The following ST8SIA5 variants were observed in gnomAD, a reference collection of about 807,000 sequenced individuals.
The protein encoded by ST8SIA5 is ST8 alpha-N-acetyl-neuraminide alpha-2,8-sialyltransferase 5.
In ST8SIA5, 24 loss-of-function variants were observed where a neutral mutation model predicts 40.2. The ratio of observed to expected loss-of-function variants is 0.60; its 90% CI spans 0.43 to 0.84. ST8SIA5 has a LOEUF of 0.84. Among genes scored for constraint, ST8SIA5 ranks in the 40% least tolerant of loss-of-function variants. ST8SIA5 has a pLI of 0.00. For missense variants in ST8SIA5, 465 were observed against 498.5 expected (o/e 0.93, Z 0.64); for synonymous variants, 198 against 201.8 (o/e 0.98, Z 0.16).
intron 3 of ST8SIA5, chr18:46,691,905 A>G: frequency 2.0e-6 from 1 of 489,048 alleles, no homozygotes; most frequent in South Asian, 2.1e-5. Context: ...TCAGCTGTGT[A>G]CTGGAGATGG....
At chr18:46,741,641 A>G (rs2040087200) in intron 1 of ST8SIA5, among the ~76,000 whole-genome samples, 1 of 152,196 alleles carries the variant, frequency 6.6e-6, no homozygotes, top group African/African-American at 2.4e-5. Context: ...AGCAAACAAA[A>G]TCTCACATCA....
At chr18:46,723,953 T>G (rs1047308234) in intron 1 of ST8SIA5, among the ~76,000 whole-genome samples, 4 of 152,090 alleles carry the variant, frequency 2.6e-5, no homozygotes, top group African/African-American at 7.2e-5. Flanking sequence ...AAGCAGAATT[T>G]TTTTTCAATA....
At position 46,725,775 on chromosome 18, in the gene ST8SIA5, G is replaced by C. The variant is rs183258275; in HGVS notation, c.132-21111C>G. The stretch of plus-strand genomic sequence containing the variant: ...AGGATAGGATCTATTATTAGTCAAA[G>C]AAACCCAATGAGGAAGGCCTGTGGA... On this transcript the variant is annotated intron_variant, in intron 1 of 6. Coordinates refer to ENST00000315087, the MANE Select transcript of ST8SIA5 (RefSeq NM_013305.6). Among the ~76,000 whole-genome samples the C allele has an allele frequency of 1.4e-3, 210 of 150,866 alleles. 2 individuals are homozygous for C. The highest frequency in any genetic ancestry group is 4.9e-3 in the African/African-American group (203 of 41,064).
chr18:46,747,585 G>A (rs2040153031), intron 1 of ST8SIA5, among the ~76,000 whole-genome samples: 1 of 152,194 alleles, frequency 6.6e-6, no homozygotes, highest in Non-Finnish European at 1.5e-5. Context: ...ATGCTGGAGA[G>A]GATGTAGAGA....
rs2039292501 is a variant in ST8SIA5 at position 46,668,968 on chromosome 18, C to G, written c.*11074G>C. The G allele has an allele frequency of 6.6e-6, 1 of 152,398 alleles. No homozygotes were observed. Among genetic ancestry groups the G allele is most frequent in the South Asian group, 2.1e-4 (1 of 4,838 alleles). 9.4% of individuals were successfully genotyped at this position (152,398 alleles called of 1,614,324 possible). On this transcript the variant is annotated 3_prime_UTR_variant, in exon 7 of 7. Coordinates refer to ENST00000315087, the MANE Select transcript of ST8SIA5 (RefSeq NM_013305.6). ...AGCAGCAGGGGGCCAGCACCATGGT[C>G]CCTGACCCCAGCTTGCCCCGCTCTC...
rs1043794184 is a variant in ST8SIA5, at chr18:46,676,863, G to A, written c.*3179C>T. 6.6e-6 allele frequency: 1 copy of A among 152,098 alleles called. No homozygotes were observed. Among genetic ancestry groups the A allele is most frequent in the African/African-American group, 2.4e-5 (1 of 41,406 alleles). 9.4% of individuals were successfully genotyped at this position (152,098 alleles called of 1,614,324 possible). A position where few individuals can be genotyped will look rare whatever the true frequency, so the allele number is the denominator to read the frequency against. On this transcript the variant is annotated 3_prime_UTR_variant, in exon 7 of 7. Transcript: ENST00000315087. ...CAACACCAGGTCTCTCTGAGCCTTT[G>A]AAAAAATGTTTTTCTTATAAACACT...
At position 46,675,030 on chromosome 18, in the gene ST8SIA5, GTATTTTTGGAAGGT is replaced by G. The variant is rs1207277320; in HGVS notation, c.*4998_*5011del. On this transcript the variant is annotated 3_prime_UTR_variant, in exon 7 of 7. Transcript: ENST00000315087. ...AGGTAGGCAATGGGCCCCACAAAAG[GTATTTTTGGAAGGT>G]TATTCTCTGAAAGCAAAAAGATCCA... is the stretch of plus-strand genomic sequence containing the variant. 1 of 152,158 alleles carries G rather than the reference GTATTTTTGGAAGGT, an allele frequency of 6.6e-6. No individual in the cohort carries two copies. The highest frequency in any genetic ancestry group is 1.5e-5 in the Non-Finnish European group (1 of 68,064). 9.4% of individuals were successfully genotyped at this position (152,158 alleles called of 1,614,324 possible). A position where few individuals can be genotyped will look rare whatever the true frequency, so the allele number is the denominator to read the frequency against.
chr18:46,749,302 T>C (rs771777556), intron 1 of ST8SIA5, among the ~76,000 whole-genome samples: 3 of 152,220 alleles, frequency 2.0e-5, no homozygotes, highest in African/African-American at 4.8e-5. Flanking sequence ...TGGTGGTAGA[T>C]GTGCAACTGT....
chr18:46,749,053 T>C (rs1054398418), intron 1 of ST8SIA5, among the ~76,000 whole-genome samples: 1 of 152,220 alleles, frequency 6.6e-6, no homozygotes, highest in Non-Finnish European at 1.5e-5. Flanking sequence ...TGATACATGA[T>C]ATGACATGGA....
Position 46,707,096 on chromosome 18 carries a change from C to T in ST8SIA5, c.132-2432G>A, listed in dbSNP as rs571165248. ...AGCCCATGACCTTGGCTCTAACTCA[C>T]CTAATTTTCCAGTCACACAACAGTG... is the stretch of plus-strand genomic sequence containing the variant. On this transcript the variant is annotated intron_variant, in intron 1 of 6. Transcript: ENST00000315087. 1.2e-3 allele frequency among the ~76,000 whole-genome samples: 182 copies of T among 152,306 alleles called. 1 individual carries two copies. The highest frequency in any genetic ancestry group is 4.1e-3 in the African/African-American group (171 of 41,572).
chr18:46,674,480 A>T lies in ST8SIA5; in HGVS notation c.*5562T>A, dbSNP rs1204681081. 6.6e-6 allele frequency: 1 copy of T among 152,166 alleles called. No individual in the cohort carries two copies. The highest frequency in any genetic ancestry group is 2.4e-5 in the African/African-American group (1 of 41,434). 9.4% of individuals were successfully genotyped at this position (152,166 alleles called of 1,614,324 possible). ...ACTCTCCTCAGCTGACAATTTCCCCAAGGTGTTACTCAGTTTATTAGCGGG... is the reference window on the plus strand; with the variant it reads ...ACTCTCCTCAGCTGACAATTTCCCCTAGGTGTTACTCAGTTTATTAGCGGG... On this transcript the variant is annotated 3_prime_UTR_variant, in exon 7 of 7. Coordinates refer to ENST00000315087, the MANE Select transcript of ST8SIA5 (RefSeq NM_013305.6).
At chr18:46,701,130 CTTTTTTTTTT>C (rs755571106) in intron 2 of ST8SIA5, among the ~76,000 whole-genome samples, 8 of 45,818 alleles carry the variant, frequency 1.7e-4, no homozygotes, top group African/African-American at 6.0e-4. Context: ...GAGATAGGGC[CTTTTTTTTTT>C]TTTTTTTTTT....
Position 46,679,890 on chromosome 18 carries a change from C to A in ST8SIA5, c.*152G>T. 1.2e-6 allele frequency: 1 copy of A among 801,330 alleles called. No individual in the cohort carries two copies. 49.6% of individuals were successfully genotyped at this position (801,330 alleles called of 1,614,324 possible). A position where few individuals can be genotyped will look rare whatever the true frequency, so the allele number is the denominator to read the frequency against. On this transcript the variant is annotated 3_prime_UTR_variant, in exon 7 of 7. Coordinates refer to ENST00000315087, the MANE Select transcript of ST8SIA5 (RefSeq NM_013305.6). ...TGCCCCGGTTCCTAACCCTGCCTCC[C>A]TACCCCAGGATCCAAGTACAGAGCT...
chr18:46,702,617 C>T (rs914315370), intron 2 of ST8SIA5, among the ~76,000 whole-genome samples: 4 of 152,226 alleles, frequency 2.6e-5, no homozygotes, highest in South Asian at 2.1e-4. Flanking sequence ...CACCTGGAGT[C>T]CTCCTGGCCT....
chr18:46,755,746 T>C (rs1016357942), intron 1 of ST8SIA5, among the ~76,000 whole-genome samples: 1 of 151,980 alleles, frequency 6.6e-6, no homozygotes, highest in Non-Finnish European at 1.5e-5. Context: ...TCTGACCTTT[T>C]GCGCTAAGGA....
intron 1 of ST8SIA5, among the ~76,000 whole-genome samples, chr18:46,735,681 T>C (rs1191412081): frequency 6.6e-6 from 1 of 152,138 alleles, no homozygotes; most frequent in Admixed American, 6.6e-5. Flanking sequence ...AGTGCTGTCA[T>C]AGCTGACTGC....
chr18:46,743,923 G>T (rs565546909), intron 1 of ST8SIA5, among the ~76,000 whole-genome samples: 75 of 152,318 alleles, frequency 4.9e-4, no homozygotes, highest in African/African-American at 1.6e-3. Flanking sequence ...CATTCTTAAA[G>T]AAAAGAATTT....
intron 1 of ST8SIA5, among the ~76,000 whole-genome samples, chr18:46,739,604 CAA>C (rs1165332616): frequency 6.6e-6 from 1 of 152,164 alleles, no homozygotes; most frequent in Non-Finnish European, 1.5e-5. Context: ...CACAGACTGA[CAA>C]TTAGGCATGA....
At position 46,671,506 on chromosome 18, in the gene ST8SIA5, C is replaced by T. The variant is rs1475894992; in HGVS notation, c.*8536G>A. 1 of 152,276 alleles carries T rather than the reference C, an allele frequency of 6.6e-6. No homozygotes were observed. The highest frequency in any genetic ancestry group is 1.5e-5 in the Non-Finnish European group (1 of 68,154). The allele number at this position is 152,276 out of a possible 1,614,324, so 9.4% of individuals were successfully genotyped here. A position where few individuals can be genotyped will look rare whatever the true frequency, so the allele number is the denominator to read the frequency against. On this transcript the variant is annotated 3_prime_UTR_variant, in exon 7 of 7. Transcript: ENST00000315087. ...TTTCCCCCAGGTGGACCAGACAGGTCCTCCCCATGCTAGAGGGCCAAGTGT... is the reference window on the plus strand; with the variant it reads ...TTTCCCCCAGGTGGACCAGACAGGTTCTCCCCATGCTAGAGGGCCAAGTGT...
Sources: gnomAD v4.1 joint callset for allele counts (sites outside exome capture counted in the v4.1 genomes callset) on GRCh38, gnomAD v4.1.1 for gene constraint, MANE v1.5 for transcripts, NCBI Gene and HGNC (gene_info 2026-07-23, HGNC 2026-07-21) for gene names.